TANC1: variants seen among roughly 807,000 people sequenced by gnomAD.
TANC1 encodes protein TANC1.
In TANC1, 77 loss-of-function variants were observed where a neutral mutation model predicts 149.7. That is an observed-to-expected ratio of 0.51 (90% CI 0.43 to 0.62). The LOEUF (loss-of-function observed/expected upper bound fraction) is 0.62. TANC1 is among the 20% of genes least tolerant of loss of function. The pLI is 0.00. For synonymous variants in TANC1, 854 were observed against 925.0 expected (o/e 0.92, Z 1.39); for missense variants, 1,985 against 2,321.8 (o/e 0.85, Z 2.98).
At chr2:158,980,936 C>G (rs1209872616) in intron 1 of TANC1, among the ~76,000 whole-genome samples, 1 of 152,120 alleles carries the variant, frequency 6.6e-6, no homozygotes, top group Non-Finnish European at 1.5e-5. Context: ...TTACTTCCCT[C>G]CCTCCCATTC....
intron 3 of TANC1, among the ~76,000 whole-genome samples, chr2:159,086,222 T>G (rs568402836): frequency 6.2e-4 from 94 of 152,164 alleles, no homozygotes; most frequent in African/African-American, 2.2e-3. Flanking sequence ...TTGGATTTTT[T>G]TTTTTTGAGA....
At position 159,231,277 on chromosome 2, in the gene TANC1, T is replaced by G. The variant is rs962895573; in HGVS notation, c.*265T>G. The G allele has an allele frequency of 6.1e-6, 2 of 326,844 alleles. No homozygotes were observed. The highest frequency in any genetic ancestry group is 4.3e-5 in the African/African-American group (2 of 46,994). The allele number at this position is 326,844 out of a possible 1,614,324, so 20.2% of individuals were successfully genotyped here. On this transcript the variant is annotated 3_prime_UTR_variant, in exon 27 of 27. Coordinates refer to ENST00000263635, the MANE Select transcript of TANC1 (RefSeq NM_033394.3). ...AGAAGACATTAATGACTCTCACTTA[T>G]GAAATTGTTTGGCTTTTGCCACTTT...
intron 3 of TANC1, among the ~76,000 whole-genome samples, chr2:159,089,207 T>C (rs1199078682): frequency 6.6e-6 from 1 of 152,146 alleles, no homozygotes; most frequent in Non-Finnish European, 1.5e-5. Context: ...CAACAAAGGA[T>C]CCCCTTTTGT....
chr2:159,100,038 T>C (rs1341208855), intron 4 of TANC1, among the ~76,000 whole-genome samples: 1 of 152,244 alleles, frequency 6.6e-6, no homozygotes, highest in Admixed American at 6.5e-5. Flanking sequence ...AGATGTCTTA[T>C]ACCTCATCTC....
At chr2:158,996,488 A>G (rs1444220583) in intron 1 of TANC1, among the ~76,000 whole-genome samples, 1 of 152,264 alleles carries the variant, frequency 6.6e-6, no homozygotes, top group Non-Finnish European at 1.5e-5. Flanking sequence ...TATTATATCA[A>G]TATGCATTCT....
rs754286956 is a variant in TANC1 at position 159,194,237 on chromosome 2, T to TG, written c.2743-14dup. 19 of 1,596,628 alleles carry TG rather than the reference T, an allele frequency of 1.2e-5. No individual in the cohort carries two copies. Among genetic ancestry groups the TG allele is most frequent in the Non-Finnish European group, 1.5e-5 (17 of 1,164,498 alleles). On this transcript the variant is annotated intron_variant, in intron 16 of 26. Coordinates refer to ENST00000263635, the MANE Select transcript of TANC1 (RefSeq NM_033394.3). ...GATGACATACATGTGACAATCTTGTTGGGGGGCCTTGTCCAACAGGTGAGC... is the reference window on the plus strand; with the variant it reads ...GATGACATACATGTGACAATCTTGTTGGGGGGGCCTTGTCCAACAGGTGAGC...
At chr2:159,196,313 A>G (rs2057845484) in intron 17 of TANC1, among the ~76,000 whole-genome samples, 1 of 152,242 alleles carries the variant, frequency 6.6e-6, no homozygotes, top group Admixed American at 6.5e-5. Context: ...GTGTCTCCAC[A>G]CATGCTCACA....
At chr2:159,042,535 G>A (rs1482639919) in intron 2 of TANC1, among the ~76,000 whole-genome samples, 1 of 152,044 alleles carries the variant, frequency 6.6e-6, no homozygotes, top group African/African-American at 2.4e-5. Flanking sequence ...CGGGAGGGTG[G>A]TGGATGACAC....
intron 3 of TANC1, among the ~76,000 whole-genome samples, chr2:159,074,009 A>T (rs1423411518): frequency 6.6e-6 from 1 of 152,196 alleles, no homozygotes; most frequent in Non-Finnish European, 1.5e-5. Flanking sequence ...GGTGGCCATC[A>T]GGTGACCAGC....
At chr2:159,191,146 G>C (rs2057411730) in intron 16 of TANC1, among the ~76,000 whole-genome samples, 2 of 152,148 alleles carry the variant, frequency 1.3e-5, no homozygotes, top group African/African-American at 4.8e-5. Context: ...TGTAGACAGC[G>C]GGGTGGTGGT....
intron 2 of TANC1, among the ~76,000 whole-genome samples, chr2:159,036,707 G>A (rs1574262781): frequency 6.6e-6 from 1 of 152,296 alleles, no homozygotes; most frequent in Admixed American, 6.5e-5. Context: ...TTTTATGGCT[G>A]CATAGTATTC....
chr2:159,150,552 T>C lies in TANC1; in HGVS notation c.678T>C (p.Ile226=), dbSNP rs754202900. The C allele has an allele frequency of 1.5e-5, 24 of 1,612,440 alleles. No individual in the cohort carries two copies. The highest frequency in any genetic ancestry group is 1.9e-5 in the Non-Finnish European group (22 of 1,178,486). ...CCCTGGAAAGCAAGGACAGTGGAAT[T>C]ATAGGTAAGAAGCACACTGCTCGGT... ...SSTLESKDSG[I]IATITSSSEN... The change falls in exon 7 of 27, where the codon ATT becomes ATC. Residue 226 remains isoleucine, a synonymous_variant. Coordinates refer to ENST00000263635, the MANE Select transcript of TANC1 (RefSeq NM_033394.3).
rs960755419 is a variant in TANC1, at chr2:159,219,223, A to T, written c.3379-15A>T. 1.4e-5 allele frequency: 22 copies of T among 1,613,898 alleles called. No homozygotes were observed. The highest frequency in any genetic ancestry group is 3.3e-4 in the Middle Eastern group (2 of 6,084). On this transcript the variant is annotated splice_polypyrimidine_tract_variant and intron_variant, in intron 20 of 26. Coordinates refer to ENST00000263635, the MANE Select transcript of TANC1 (RefSeq NM_033394.3). ...AATGCAGCAGGAGGATGGTAATTCCAAATGTCTCTTCCAGATTGTTAGACT... is the reference window on the plus strand; with the variant it reads ...AATGCAGCAGGAGGATGGTAATTCCTAATGTCTCTTCCAGATTGTTAGACT...
At chr2:159,194,184 G>A in intron 16 of TANC1, 73 bp from the exon 17 acceptor site, 1 of 1,212,078 alleles carries the variant, frequency 8.3e-7, no homozygotes, top group South Asian at 1.2e-5. Context: ...CGAAAATTGA[G>A]GATACTGCCC....
At chr2:159,007,151 T>TG (rs2149356482) in intron 2 of TANC1, among the ~76,000 whole-genome samples, 1 of 146,126 alleles carries the variant, frequency 6.8e-6, no homozygotes, top group East Asian at 2.0e-4. Context: ...TTTTTTTTTT[T>TG]TTTTTTTTTT....
chr2:159,062,951 G>T (rs966194201), intron 2 of TANC1, among the ~76,000 whole-genome samples: 1 of 95,820 alleles, frequency 1.0e-5, no homozygotes, highest in African/African-American at 3.6e-5. Flanking sequence ...TCCGGCCTGG[G>T]CGACAGAGCG....
At chr2:158,986,608 C>T (rs928662419) in intron 1 of TANC1, among the ~76,000 whole-genome samples, 9 of 152,088 alleles carry the variant, frequency 5.9e-5, no homozygotes, top group African/African-American at 2.2e-4. Flanking sequence ...TGTCAAGCTC[C>T]TGGGTTGAGA....
chr2:159,219,627 A>G (rs751365268), intron 21 of TANC1, 65 bp from the exon 22 acceptor site: 31 of 1,598,960 alleles, frequency 1.9e-5, no homozygotes, highest in Non-Finnish European at 2.6e-5. Context: ...CAGGTGTGAA[A>G]CAATTTGCTT....
At chr2:159,059,245 A>G (rs936033539) in intron 2 of TANC1, among the ~76,000 whole-genome samples, 1 of 152,174 alleles carries the variant, frequency 6.6e-6, no homozygotes, top group South Asian at 2.1e-4. Flanking sequence ...CTTCATGCCT[A>G]TAATCCCTGT....
Sources: allele counts gnomAD v4.1 joint callset (sites outside exome capture counted in the v4.1 genomes callset), GRCh38; gene constraint gnomAD v4.1.1; transcripts MANE v1.5; gene names NCBI Gene and HGNC (gene_info 2026-07-23, HGNC 2026-07-21).